RARB: variants seen among roughly 807,000 people sequenced by gnomAD.
The protein encoded by RARB is retinoic acid receptor beta, also known as HBV-activated protein.
Under a neutral mutation model 51.9 loss-of-function variants are expected in RARB, and 17 were observed. That is an observed-to-expected ratio of 0.33 (90% CI 0.22 to 0.49). The LOEUF is 0.49. Ranked by LOEUF, RARB falls within the 20% of genes least tolerant of loss-of-function variation. The probability of loss-of-function intolerance (pLI) is 0.99; values close to 1 mark genes in which losing one functional copy is unlikely to be tolerated. For missense variants in RARB, 369 were observed against 550.8 expected (o/e 0.67, Z 3.30); for synonymous variants, 215 against 195.4 (o/e 1.10, Z -0.84).
At chr3:25,578,384 C>G (rs1352810080) in intron 4 of RARB, among the ~76,000 whole-genome samples, 1 of 152,232 alleles carries the variant, frequency 6.6e-6, no homozygotes, top group Non-Finnish European at 1.5e-5. Context: ...GAAGGTACGA[C>G]AGGCTCCTCT....
chr3:25,594,146 T>C (rs562409775), intron 6 of RARB, among the ~76,000 whole-genome samples: 59 of 152,182 alleles, frequency 3.9e-4, no homozygotes, highest in Non-Finnish European at 7.8e-4. Flanking sequence ...TACTGGCCTA[T>C]AGGAGGCTGA....
chr3:25,005,266 G>A (rs1697246349), intron 2 of RARB, among the ~76,000 whole-genome samples: 1 of 152,096 alleles, frequency 6.6e-6, no homozygotes, highest in Non-Finnish European at 1.5e-5. Flanking sequence ...TACTGTGTAA[G>A]AAATTACACC....
chr3:25,018,684 T>A (rs1266201554), intron 2 of RARB, among the ~76,000 whole-genome samples: 1 of 152,118 alleles, frequency 6.6e-6, no homozygotes, highest in East Asian at 1.9e-4. Flanking sequence ...GTATATAAAG[T>A]GAGAAAATTT....
chr3:25,395,472 C>T (rs1707088589), intron 5 of RARB, among the ~76,000 whole-genome samples: 1 of 152,148 alleles, frequency 6.6e-6, no homozygotes, highest in Non-Finnish European at 1.5e-5. Context: ...GGAAATTTTC[C>T]TCAATTATTC....
intron 3 of RARB, among the ~76,000 whole-genome samples, chr3:25,070,303 A>G (rs977216221): frequency 1.3e-5 from 2 of 152,198 alleles, no homozygotes; most frequent in Admixed American, 1.3e-4. Context: ...AAATAAGGTC[A>G]TATTTAGAGG....
At chr3:25,552,346 C>T (rs1347862087) in intron 3 of RARB, among the ~76,000 whole-genome samples, 1 of 152,056 alleles carries the variant, frequency 6.6e-6, no homozygotes, top group Admixed American at 6.6e-5. Context: ...TCTAGACAAC[C>T]TTAAATGCAT....
At chr3:25,547,393 A>G (rs1699659768) in intron 3 of RARB, among the ~76,000 whole-genome samples, 1 of 152,212 alleles carries the variant, frequency 6.6e-6, no homozygotes, top group Admixed American at 6.5e-5. Flanking sequence ...AATGGATGTC[A>G]AGTACTTGGC....
intron 2 of RARB, among the ~76,000 whole-genome samples, chr3:25,008,920 G>T (rs1350029169): frequency 6.6e-6 from 1 of 152,082 alleles, no homozygotes; most frequent in Non-Finnish European, 1.5e-5. Context: ...TTCATTATGT[G>T]GAACTTTTAC....
At chr3:25,115,031 T>G (rs1699663396) in intron 3 of RARB, among the ~76,000 whole-genome samples, 1 of 152,302 alleles carries the variant, frequency 6.6e-6, no homozygotes, top group South Asian at 2.1e-4. Flanking sequence ...AAAAATCATT[T>G]CTTTATTTCA....
intron 2 of RARB, among the ~76,000 whole-genome samples, chr3:25,488,795 T>C (rs1696590042): frequency 6.6e-6 from 1 of 152,208 alleles, no homozygotes; most frequent in Non-Finnish European, 1.5e-5. Flanking sequence ...GCTAAGAGTT[T>C]AAAAATAAGG....
intron 2 of RARB, among the ~76,000 whole-genome samples, chr3:24,886,954 A>G (rs979456105): frequency 1.3e-5 from 2 of 152,230 alleles, no homozygotes; most frequent in South Asian, 2.1e-4. Context: ...GGAGTTTTGC[A>G]TACAAACTTT....
chr3:24,991,966 T>C (rs896446741), intron 2 of RARB, among the ~76,000 whole-genome samples: 18 of 152,002 alleles, frequency 1.2e-4, no homozygotes, highest in African/African-American at 4.3e-4. Context: ...TGTACCTTCC[T>C]CCCCTGCTCA....
At chr3:25,064,282 T>C (rs1335764189) in intron 3 of RARB, among the ~76,000 whole-genome samples, 1 of 152,152 alleles carries the variant, frequency 6.6e-6, no homozygotes, top group Admixed American at 6.6e-5. Context: ...AAATATTATC[T>C]CATAAATATA....
At chr3:25,212,975 T>C (rs1452733191) in intron 5 of RARB, among the ~76,000 whole-genome samples, 1 of 152,222 alleles carries the variant, frequency 6.6e-6, no homozygotes, top group Non-Finnish European at 1.5e-5. Flanking sequence ...CGTAATGTTC[T>C]CATATTTCAC....
At chr3:25,228,987 C>T (rs988859721) in intron 5 of RARB, among the ~76,000 whole-genome samples, 1 of 152,110 alleles carries the variant, frequency 6.6e-6, no homozygotes, top group Non-Finnish European at 1.5e-5. Context: ...AGCCAGAACT[C>T]TACAAGGATG....
chr3:25,428,796 G>A lies in RARB; in HGVS notation c.65G>A (p.Ser22Asn). Residue 22 changes from serine (S) to asparagine (N), a missense_variant, in exon 1 of 8, where the codon AGT becomes AAT. By Grantham distance (46) the Ser-to-Asn change is conservative. Coordinates refer to ENST00000330688, the MANE Select transcript of RARB (RefSeq NM_000965.5). ...CAAATCCTGGATTTCTACACTGCGA[G>A]TCCGTCTTCCTGCATGCTCCAGGAG... ...PGQILDFYTA[S>N]PSSCMLQEKA... is the part of the protein sequence containing the mutation. 6.2e-7 allele frequency: 1 copy of A among 1,614,158 alleles called. No homozygotes were observed. Among genetic ancestry groups the A allele is most frequent in the Non-Finnish European group, 8.5e-7 (1 of 1,180,038 alleles).
chr3:25,395,536 A>G (rs567992163), intron 5 of RARB, among the ~76,000 whole-genome samples: 1 of 152,286 alleles, frequency 6.6e-6, no homozygotes, highest in South Asian at 2.1e-4. Context: ...GGGAACACCA[A>G]TTATTCATAG....
chr3:24,989,816 G>T (rs1431151970), intron 2 of RARB, among the ~76,000 whole-genome samples: 1 of 50,254 alleles, frequency 2.0e-5, no homozygotes, highest in Non-Finnish European at 3.2e-5. Flanking sequence ...TTTTTGAGAC[G>T]GAGTCTCGCT....
At chr3:25,182,453 CT>C (rs1441904041) in intron 5 of RARB, among the ~76,000 whole-genome samples, 1 of 152,132 alleles carries the variant, frequency 6.6e-6, no homozygotes, top group African/African-American at 2.4e-5. Flanking sequence ...AAGTAACCAT[CT>C]AGTACTTGCC....
Sources: allele counts gnomAD v4.1 joint callset (sites outside exome capture counted in the v4.1 genomes callset), GRCh38; gene constraint gnomAD v4.1.1; transcripts MANE v1.5; gene names NCBI Gene and HGNC (gene_info 2026-07-23, HGNC 2026-07-21).